Variants in GSTCD observed in about 807,000 individuals in gnomAD.
GSTCD encodes the protein glutathione S-transferase C-terminal domain-containing protein.
A neutral mutation model predicts 68.3 loss-of-function variants in GSTCD; 44 were observed. That is an observed-to-expected ratio of 0.64 (90% CI 0.51 to 0.83). GSTCD has a LOEUF of 0.83. Among genes scored for constraint, GSTCD ranks in the 40% least tolerant of loss-of-function variants. The probability of loss-of-function intolerance (pLI) is 0.00; values close to 1 mark genes in which losing one functional copy is unlikely to be tolerated. For synonymous variants in GSTCD, 273 were observed against 255.2 expected (o/e 1.07, Z -0.67); for missense variants, 739 against 735.9 (o/e 1.00, Z -0.05).
intron 5 of GSTCD, among the ~76,000 whole-genome samples, chr4:105,811,790 A>C (rs759460456): frequency 6.6e-5 from 10 of 152,222 alleles, no homozygotes; most frequent in Admixed American, 2.0e-4. Flanking sequence ...AGGAATGGGC[A>C]TGAAAAGGTG....
chr4:105,843,312 G>C (rs553299818), intron 11 of GSTCD, among the ~76,000 whole-genome samples: 25 of 152,256 alleles, frequency 1.6e-4, no homozygotes, highest in African/African-American at 5.3e-4. Flanking sequence ...CAACCTCTTT[G>C]TCTTTCAATG....
In GSTCD at chr4:105,714,182, C is replaced by T. The variant is rs557877451; in HGVS notation, c.-21-3411C>T. Among the ~76,000 whole-genome samples the T allele has an allele frequency of 1.7e-4, 26 of 152,178 alleles. 1 individual carries two copies. The South Asian group carries it at 4.4e-3, about 25-fold the overall frequency. ...GGCAAGATTCCCAAGCAAATTGGCA[C>T]GTCCAGGAAAGAGATGCACACTCTA... On this transcript the variant is annotated intron_variant, in intron 1 of 11. Coordinates refer to ENST00000515279, the MANE Select transcript of GSTCD (RefSeq NM_001370181.1).
intron 5 of GSTCD, among the ~76,000 whole-genome samples, chr4:105,820,049 A>C (rs1487494723): frequency 6.6e-6 from 1 of 151,852 alleles, no homozygotes; most frequent in Non-Finnish European, 1.5e-5. Context: ...TAAGAAACAA[A>C]AAATTAAGAG....
At chr4:105,777,177 T>C (rs1361998847) in intron 5 of GSTCD, among the ~76,000 whole-genome samples, 2 of 152,262 alleles carry the variant, frequency 1.3e-5, no homozygotes, top group Non-Finnish European at 2.9e-5. Flanking sequence ...CATTTTTATG[T>C]CTGGTACATT....
intron 5 of GSTCD, among the ~76,000 whole-genome samples, chr4:105,741,794 A>G (rs959629794): frequency 1.4e-4 from 21 of 152,228 alleles, no homozygotes; most frequent in African/African-American, 5.1e-4. Context: ...CAACTCTAAC[A>G]GCAGGGCTAC....
intron 5 of GSTCD, among the ~76,000 whole-genome samples, chr4:105,733,805 G>GT: frequency 6.6e-6 from 1 of 152,348 alleles, no homozygotes; most frequent in South Asian, 2.1e-4. Context: ...AATTTGGCAT[G>GT]TTTTTGCAGT....
intron 7 of GSTCD, among the ~76,000 whole-genome samples, chr4:105,825,416 C>T (rs1456028009): frequency 6.6e-6 from 1 of 152,194 alleles, no homozygotes. Flanking sequence ...AGGCGTGAGC[C>T]ACCACGCCCG....
At chr4:105,735,481 G>A (rs1032445965) in intron 5 of GSTCD, among the ~76,000 whole-genome samples, 7 of 152,182 alleles carry the variant, frequency 4.6e-5, no homozygotes, top group East Asian at 3.8e-4. Context: ...AGCCAGGCAC[G>A]GGATATAATC....
intron 5 of GSTCD, among the ~76,000 whole-genome samples, chr4:105,737,396 G>A (rs1256794551): frequency 1.3e-5 from 2 of 152,164 alleles, no homozygotes; most frequent in African/African-American, 4.8e-5. Context: ...TTTGTTGGAT[G>A]AATAGTTTGC....
intron 5 of GSTCD, among the ~76,000 whole-genome samples, chr4:105,810,703 A>G (rs972196013): frequency 6.6e-6 from 1 of 152,170 alleles, no homozygotes; most frequent in African/African-American, 2.4e-5. Context: ...GACATATTAT[A>G]ATAACTAATA....
chr4:105,790,209 G>T (rs573380066), intron 5 of GSTCD, among the ~76,000 whole-genome samples: 18 of 152,082 alleles, frequency 1.2e-4, no homozygotes, highest in African/African-American at 3.9e-4. Context: ...ACCTTGATCT[G>T]GATTTGTTAG....
intron 5 of GSTCD, among the ~76,000 whole-genome samples, chr4:105,799,069 A>G (rs1002924061): frequency 6.6e-6 from 1 of 152,182 alleles, no homozygotes; most frequent in East Asian, 1.9e-4. Flanking sequence ...CTTTTATGTC[A>G]TGGAGATATC....
intron 5 of GSTCD, among the ~76,000 whole-genome samples, chr4:105,810,812 G>A (rs1722719198): frequency 6.6e-6 from 1 of 151,966 alleles, no homozygotes; most frequent in African/African-American, 2.4e-5. Context: ...TACCTTCTCA[G>A]TGACAGGAGC....
chr4:105,820,103 T>C (rs1348685033), intron 5 of GSTCD, among the ~76,000 whole-genome samples: 1 of 151,780 alleles, frequency 6.6e-6, no homozygotes, highest in Non-Finnish European at 1.5e-5. Flanking sequence ...ACATGTGTGC[T>C]GGTGGTACAT....
chr4:105,768,234 G>A (rs1734699593), intron 5 of GSTCD, among the ~76,000 whole-genome samples: 2 of 151,920 alleles, frequency 1.3e-5, no homozygotes, highest in African/African-American at 4.8e-5. Flanking sequence ...GTTTCACCAT[G>A]TTGGCCAGGA....
chr4:105,746,045 C>A (rs1053969955), intron 5 of GSTCD, among the ~76,000 whole-genome samples: 1 of 152,062 alleles, frequency 6.6e-6, no homozygotes, highest in Non-Finnish European at 1.5e-5. Context: ...GTACAATTGA[C>A]CCTTGAATAA....
intron 11 of GSTCD, among the ~76,000 whole-genome samples, chr4:105,844,491 G>C (rs1724476923): frequency 6.6e-6 from 1 of 151,946 alleles, no homozygotes; most frequent in South Asian, 2.1e-4. Context: ...TTTTCTGTGA[G>C]GATTCTGTTG....
At chr4:105,781,502 TAG>T (rs1473974315) in intron 5 of GSTCD, among the ~76,000 whole-genome samples, 1 of 151,938 alleles carries the variant, frequency 6.6e-6, no homozygotes, top group Non-Finnish European at 1.5e-5. Context: ...AGCAATCCTG[TAG>T]CCTTAGCCTC....
intron 5 of GSTCD, among the ~76,000 whole-genome samples, chr4:105,787,871 A>G (rs972118189): frequency 1.3e-5 from 2 of 152,130 alleles, no homozygotes; most frequent in Non-Finnish European, 2.9e-5. Context: ...CATTATTACT[A>G]TTTTAAAACT....
Sources: allele counts gnomAD v4.1 joint callset (sites outside exome capture counted in the v4.1 genomes callset), GRCh38; gene constraint gnomAD v4.1.1; transcripts MANE v1.5; gene names NCBI Gene and HGNC (gene_info 2026-07-23, HGNC 2026-07-21).